VPS35L: variants seen among roughly 807,000 people sequenced by gnomAD.
VPS35L encodes the protein VPS35 endosomal protein sorting factor like, also known as VPS35 endosomal protein-sorting factor-like.
VPS35L carries 83 observed loss-of-function variants against 133.0 expected under a neutral mutation model. That is an observed-to-expected ratio of 0.62 (90% confidence interval 0.52 to 0.75). The LOEUF is 0.75. Among genes scored for constraint, VPS35L ranks in the 30% least tolerant of loss-of-function variants. The pLI is 0.00. For missense variants in VPS35L, 1,083 were observed against 1,206.8 expected, an observed-to-expected ratio of 0.90 and a Z score of 1.52; for synonymous variants, 423 against 449.9, an observed-to-expected ratio of 0.94 and a Z score of 0.76.
At chr16:19,645,166 G>A (rs1973901122) in intron 23 of VPS35L, among the ~76,000 whole-genome samples, 1 of 152,086 alleles carries the variant, frequency 6.6e-6, no homozygotes, top group Non-Finnish European at 1.5e-5. Flanking sequence ...GGGGCGGGAG[G>A]GTGATGGGAG....
intron 27 of VPS35L, among the ~76,000 whole-genome samples, chr16:19,677,050 G>A (rs1268336377): frequency 6.7e-6 from 1 of 150,206 alleles, no homozygotes; most frequent in African/African-American, 2.4e-5. Context: ...CATCTCAAAA[G>A]AAAAAGTTTT....
chr16:19,647,323 A>G (rs924733196), intron 23 of VPS35L, among the ~76,000 whole-genome samples: 2 of 152,256 alleles, frequency 1.3e-5, no homozygotes, highest in African/African-American at 2.4e-5. Context: ...GACAAAAATG[A>G]TTGATGTACA....
Position 19,700,645 on chromosome 16 carries a change from G to A in VPS35L, c.*169G>A. On this transcript the variant is annotated 3_prime_UTR_variant, in exon 31 of 31. Transcript: ENST00000417362. The stretch of plus-strand genomic sequence containing the variant: ...CTATCCAGGTTATTCTGACAATGAA[G>A]AAATGGGAGTTGTCAGAGCATTAAA... 1.7e-6 allele frequency: 1 copy of A among 597,718 alleles called. No homozygotes were observed. The allele number at this position is 597,718 out of a possible 1,614,324, so 37.0% of individuals were successfully genotyped here. A position where few individuals can be genotyped will look rare whatever the true frequency, so the allele number is the denominator to read the frequency against.
chr16:19,618,933 T>C (rs547272075), intron 14 of VPS35L, among the ~76,000 whole-genome samples: 84 of 151,542 alleles, frequency 5.5e-4, no homozygotes, highest in South Asian at 4.2e-4. Flanking sequence ...TTTTTTTTTT[T>C]TTTCTTTCTT....
At position 19,616,152 on chromosome 16, in the gene VPS35L, A is replaced by C. The variant is rs140203828; in HGVS notation, c.1062A>C (p.Leu354=). The C allele has an allele frequency of 5.4e-3, 8,665 of 1,613,634 alleles. 42 individuals are homozygous for C. The highest frequency in any genetic ancestry group is 0.012 in the Middle Eastern group (70 of 6,054). ...MEVAPHLKET[L]NKNFFDFLLT... is the part of the protein sequence containing the mutation. ...TGGCCCCACATCTCAAAGAAACCCTAAATAAGAACTTTTTTGACTTCCTCC... is the reference window on the plus strand; with the variant it reads ...TGGCCCCACATCTCAAAGAAACCCTCAATAAGAACTTTTTTGACTTCCTCC... The change falls in exon 13 of 31, where the codon CTA becomes CTC. Residue 354 remains leucine (L), a synonymous_variant. Transcript: ENST00000417362.
intron 14 of VPS35L, among the ~76,000 whole-genome samples, chr16:19,620,226 C>G (rs1417065336): frequency 1.3e-5 from 2 of 152,156 alleles, no homozygotes; most frequent in Non-Finnish European, 2.9e-5. Flanking sequence ...TATAAATAAC[C>G]TAATCTGGAG....
chr16:19,560,461 G>A (rs1467865909), intron 1 of VPS35L, among the ~76,000 whole-genome samples: 1 of 152,152 alleles, frequency 6.6e-6, no homozygotes, highest in Non-Finnish European at 1.5e-5. Flanking sequence ...TGTTAAATGA[G>A]CCTTTCAACA....
intron 26 of VPS35L, among the ~76,000 whole-genome samples, chr16:19,662,782 G>T (rs1424806997): frequency 6.6e-6 from 1 of 152,090 alleles, no homozygotes. Flanking sequence ...TTCCAAGAAA[G>T]CTTGCGTTTT....
chr16:19,686,674 T>C (rs1042262378), intron 28 of VPS35L, among the ~76,000 whole-genome samples: 1 of 152,144 alleles, frequency 6.6e-6, no homozygotes, highest in Non-Finnish European at 1.5e-5. Flanking sequence ...CGTCTGGACT[T>C]GAAGGCCCCC....
At chr16:19,621,903 T>C (rs1973093566) in intron 14 of VPS35L, among the ~76,000 whole-genome samples, 1 of 152,200 alleles carries the variant, frequency 6.6e-6, no homozygotes, top group Non-Finnish European at 1.5e-5. Context: ...TTTGTCCATA[T>C]GTTGGGATTT....
At chr16:19,678,265 CA>C (rs1340747514) in intron 27 of VPS35L, among the ~76,000 whole-genome samples, 2 of 152,062 alleles carry the variant, frequency 1.3e-5, no homozygotes, top group African/African-American at 4.8e-5. Context: ...GTTGGGCCAG[CA>C]GGGAGAGAGG....
intron 16 of VPS35L, among the ~76,000 whole-genome samples, chr16:19,628,326 T>G (rs1304169892): frequency 6.6e-6 from 1 of 152,182 alleles, no homozygotes; most frequent in Non-Finnish European, 1.5e-5. Flanking sequence ...GATTATGTCA[T>G]GAAGCCTGGT....
At chr16:19,594,815 A>G (rs549290803) in intron 8 of VPS35L, among the ~76,000 whole-genome samples, 4 of 152,010 alleles carry the variant, frequency 2.6e-5, no homozygotes, top group Admixed American at 2.6e-4. Flanking sequence ...GTGAAGAGGA[A>G]TGGAGGGAAT....
At chr16:19,556,814 T>G (rs1458111849) in intron 1 of VPS35L, among the ~76,000 whole-genome samples, 1 of 151,872 alleles carries the variant, frequency 6.6e-6, no homozygotes, top group African/African-American at 2.4e-5. Context: ...CCTGAGGTTT[T>G]TTTTTTTTTT....
intron 27 of VPS35L, 21 bp from the exon 28 acceptor site, chr16:19,682,204 C>G: frequency 2.5e-6 from 4 of 1,603,870 alleles, no homozygotes; most frequent in Non-Finnish European, 3.4e-6. Context: ...ATTATTTATC[C>G]TTTTTTCGGT....
intron 27 of VPS35L, among the ~76,000 whole-genome samples, chr16:19,670,968 T>C (rs865882068): frequency 1.4e-4 from 22 of 152,340 alleles, no homozygotes; most frequent in Middle Eastern, 6.8e-3. Context: ...ACATTTCAGA[T>C]GTGAAAGATA....
At chr16:19,614,230 AGC>A (rs1972816056) in intron 12 of VPS35L, among the ~76,000 whole-genome samples, 1 of 152,224 alleles carries the variant, frequency 6.6e-6, no homozygotes, top group Non-Finnish European at 1.5e-5. Flanking sequence ...ATTTCTTGTT[AGC>A]ATATATATAT....
At chr16:19,660,627 T>C (rs115525545) in intron 26 of VPS35L, among the ~76,000 whole-genome samples, 1,567 of 152,298 alleles carry the variant, frequency 0.01, 31 homozygotes, top group African/African-American at 0.036. Context: ...TCACTTATGA[T>C]TCATGTATTG....
At chr16:19,565,616 C>T (rs1352735311) in intron 2 of VPS35L, among the ~76,000 whole-genome samples, 1 of 152,166 alleles carries the variant, frequency 6.6e-6, no homozygotes, top group Non-Finnish European at 1.5e-5. Context: ...GCCTCCCAAA[C>T]TGCTGGGATT....
Sources: allele counts gnomAD v4.1 joint callset (sites outside exome capture counted in the v4.1 genomes callset), GRCh38; gene constraint gnomAD v4.1.1; transcripts MANE v1.5; gene names NCBI Gene and HGNC (gene_info 2026-07-23, HGNC 2026-07-21).